The following TMEM74 variants were observed in gnomAD, a reference collection of about 807,000 sequenced individuals.
The protein encoded by TMEM74 is transmembrane protein 74.
TMEM74 carries 13 observed loss-of-function variants against 18.1 expected under a neutral mutation model. The observed-to-expected ratio is 0.72, with a 90% CI of 0.47 to 1.14. The LOEUF (loss-of-function observed/expected upper bound fraction) is 1.14. Ranked by LOEUF, TMEM74 falls within the 50% of genes most tolerant of loss-of-function variation. The pLI is 0.00. For missense variants in TMEM74, 372 were observed against 375.9 expected, an observed-to-expected ratio of 0.99 and a Z score of 0.09; for synonymous variants, 159 against 146.6, an observed-to-expected ratio of 1.08 and a Z score of -0.61.
rs1814306081 is a variant in TMEM74 at position 108,781,423 on chromosome 8, T to C, written c.*2758A>G. 1.3e-5 allele frequency among the ~76,000 whole-genome samples: 2 copies of C among 152,324 alleles called. No individual in the cohort carries two copies. The highest frequency in any genetic ancestry group is 3.9e-4 in the East Asian group (2 of 5,178). On this transcript the variant is annotated 3_prime_UTR_variant, in exon 2 of 2. Transcript: ENST00000297459. Reference sequence around the variant, plus strand: ...ATAAAGCACATGGCTTTTCTTTGCCTGTGTTACCATCATTTTAAATTCAAG... The same window carrying C: ...ATAAAGCACATGGCTTTTCTTTGCCCGTGTTACCATCATTTTAAATTCAAG...
At chr8:108,726,775 C>T (rs1185015860) in intron 1 of TMEM74, among the ~76,000 whole-genome samples, 2 of 151,692 alleles carry the variant, frequency 1.3e-5, no homozygotes, top group East Asian at 3.9e-4. Flanking sequence ...CCTTGTAGGG[C>T]TTACATGCTG....
intron 1 of TMEM74, among the ~76,000 whole-genome samples, chr8:108,758,877 T>G (rs963082942): frequency 6.6e-6 from 1 of 151,952 alleles, no homozygotes; most frequent in African/African-American, 2.4e-5. Flanking sequence ...AAATATAAAC[T>G]AAATCAAAGC....
At chr8:108,621,462 A>G (rs1407247306) in intron 2 of TMEM74, among the ~76,000 whole-genome samples, 1 of 152,160 alleles carries the variant, frequency 6.6e-6, no homozygotes, top group African/African-American at 2.4e-5. Flanking sequence ...CAAGGTCTAG[A>G]GAGGCCCAGG....
At chr8:108,636,430 C>T (rs1312190442) in intron 2 of TMEM74, among the ~76,000 whole-genome samples, 2 of 152,030 alleles carry the variant, frequency 1.3e-5, no homozygotes, top group Non-Finnish European at 2.9e-5. Context: ...AGAAAGATGG[C>T]ACTTAGCAGA....
At chr8:108,753,556 A>G (rs1008103945) in intron 1 of TMEM74, among the ~76,000 whole-genome samples, 8 of 152,082 alleles carry the variant, frequency 5.3e-5, no homozygotes, top group East Asian at 1.9e-4. Context: ...TTATCTTTCA[A>G]TATTTTCTGT....
chr8:108,752,700 T>C (rs750918466), intron 1 of TMEM74, among the ~76,000 whole-genome samples: 36 of 152,148 alleles, frequency 2.4e-4, no homozygotes, highest in Non-Finnish European at 2.4e-4. Flanking sequence ...CATCAGTCTC[T>C]GCCAACAACC....
intron 1 of TMEM74, among the ~76,000 whole-genome samples, chr8:108,657,445 T>C (rs911234328): frequency 6.6e-6 from 1 of 152,096 alleles, no homozygotes; most frequent in Non-Finnish European, 1.5e-5. Context: ...TTTGGGTTCC[T>C]GGATGCTGGA....
intron 1 of TMEM74, among the ~76,000 whole-genome samples, chr8:108,713,254 C>T (rs1390026516): frequency 6.6e-6 from 1 of 151,976 alleles, no homozygotes; most frequent in African/African-American, 2.4e-5. Context: ...GGGCTGAAAA[C>T]TGAGACAAGA....
intron 1 of TMEM74, among the ~76,000 whole-genome samples, chr8:108,762,946 C>A (rs1467380751): frequency 6.6e-6 from 1 of 152,084 alleles, no homozygotes; most frequent in African/African-American, 2.4e-5. Context: ...CTTTGTTTAC[C>A]TTTATATTCC....
intron 1 of TMEM74, among the ~76,000 whole-genome samples, chr8:108,708,184 T>C (rs757960522): frequency 2.2e-4 from 34 of 152,114 alleles, no homozygotes; most frequent in Non-Finnish European, 3.2e-4. Context: ...GCTCCACTCA[T>C]GTTGCTGCAA....
chr8:108,753,187 A>G (rs1813920197), intron 1 of TMEM74, among the ~76,000 whole-genome samples: 1 of 152,094 alleles, frequency 6.6e-6, no homozygotes, highest in African/African-American at 2.4e-5. Flanking sequence ...TAATCCTTTC[A>G]TGTTTAAGAA....
intron 1 of TMEM74, among the ~76,000 whole-genome samples, chr8:108,700,924 AG>A (rs144277028): frequency 0.16 from 24,898 of 152,046 alleles, 2,453 homozygotes; most frequent in East Asian, 0.3. Context: ...ATCTGGAACA[AG>A]GATTATTATT....
In TMEM74 at chr8:108,784,413, T is replaced by C; in HGVS notation, c.686A>G (p.Asp229Gly). Residue 229 changes from aspartate to glycine, a missense_variant, in exon 2 of 2, where the codon GAC (aspartate) becomes GGC (glycine). Asp to Gly is a moderately conservative substitution (Grantham distance 94, BLOSUM62 -1). Coordinates refer to ENST00000297459, the MANE Select transcript of TMEM74 (RefSeq NM_153015.3). ...KESARLGAHL[D>G]RCVIAGLCLL... The stretch of plus-strand genomic sequence containing the variant: ...GCAGAGCCCCGCAATCACACAGCGG[T>C]CCAGGTGAGCCCCCAGCCTCGCACT... 1 of 1,613,990 alleles carries C rather than the reference T, an allele frequency of 6.2e-7. No individual in the cohort carries two copies. The highest frequency in any genetic ancestry group is 8.5e-7 in the Non-Finnish European group (1 of 1,180,008).
intron 2 of TMEM74, among the ~76,000 whole-genome samples, chr8:108,619,360 G>A (rs1392282609): frequency 2.0e-5 from 3 of 152,168 alleles, no homozygotes; most frequent in African/African-American, 4.8e-5. Flanking sequence ...TCCTGCAGAC[G>A]GTTCTGAATC....
chr8:108,649,532 C>T (rs530327802), intron 2 of TMEM74, among the ~76,000 whole-genome samples: 1 of 152,196 alleles, frequency 6.6e-6, no homozygotes, highest in South Asian at 2.1e-4. Flanking sequence ...TTACAAATGC[C>T]AAAATTGAGA....
At chr8:108,747,594 T>C (rs1175886985) in intron 1 of TMEM74, among the ~76,000 whole-genome samples, 1 of 152,054 alleles carries the variant, frequency 6.6e-6, no homozygotes, top group Non-Finnish European at 1.5e-5. Flanking sequence ...CAGGGGTACA[T>C]GTGCAGGTTT....
intron 1 of TMEM74, among the ~76,000 whole-genome samples, chr8:108,727,142 T>C (rs937238819): frequency 1.3e-5 from 2 of 152,068 alleles, no homozygotes; most frequent in African/African-American, 4.8e-5. Context: ...GGAGAGAGGA[T>C]ATTTTATGAA....
chr8:108,686,830 T>C (rs1813175442), intron 1 of TMEM74, among the ~76,000 whole-genome samples: 1 of 152,190 alleles, frequency 6.6e-6, no homozygotes, highest in Non-Finnish European at 1.5e-5. Flanking sequence ...TATCAGACTC[T>C]AAGTGTTTAT....
intron 1 of TMEM74, among the ~76,000 whole-genome samples, chr8:108,669,466 G>T (rs563314867): frequency 1.3e-5 from 2 of 152,188 alleles, no homozygotes; most frequent in Admixed American, 6.5e-5. Context: ...AATTTGGGCT[G>T]GTGATATTTG....
Sources: gnomAD v4.1 joint callset for allele counts (sites outside exome capture counted in the v4.1 genomes callset) on GRCh38, gnomAD v4.1.1 for gene constraint, MANE v1.5 for transcripts, NCBI Gene and HGNC (gene_info 2026-07-23, HGNC 2026-07-21) for gene names.